Variants in SPAG9 observed in about 807,000 individuals in gnomAD.
The protein encoded by SPAG9 is C-Jun-amino-terminal kinase-interacting protein 4.
SPAG9 carries 35 observed loss-of-function variants against 166.5 expected under a neutral mutation model. That is an observed-to-expected ratio of 0.21 (90% CI 0.16 to 0.28). SPAG9 has a LOEUF of 0.28. SPAG9 is among the 10% of genes least tolerant of loss of function. The pLI, the probability that SPAG9 is intolerant of heterozygous loss-of-function variation, is 1.00. For missense variants in SPAG9, 1,235 were observed against 1,603.3 expected, an observed-to-expected ratio of 0.77 and a Z score of 3.92; for synonymous variants, 534 against 565.5, an observed-to-expected ratio of 0.94 and a Z score of 0.79.
At chr17:51,065,256 C>G (rs1338473090) in intron 2 of SPAG9, among the ~76,000 whole-genome samples, 1 of 151,992 alleles carries the variant, frequency 6.6e-6, no homozygotes. Flanking sequence ...TGGTTATGAA[C>G]TCCTGGGCTC....
chr17:51,112,670 A>AC (rs1432843842), intron 1 of SPAG9, among the ~76,000 whole-genome samples: 16 of 130,924 alleles, frequency 1.2e-4, no homozygotes, highest in African/African-American at 5.1e-4. Flanking sequence ...CTCTGTCTCA[A>AC]CAAAAAAAAA....
Position 51,112,671 on chromosome 17 carries a change from C to CAAAAA in SPAG9, c.303+7678_303+7682dup, listed in dbSNP as rs1206604151. Among the ~76,000 whole-genome samples, 181 of 41,384 alleles carry CAAAAA rather than the reference C, an allele frequency of 4.4e-3. 24 individuals are homozygous for CAAAAA. The highest frequency in any genetic ancestry group is 0.01 in the African/African-American group (172 of 16,410). 27.1% of individuals were successfully genotyped at this position (41,384 alleles called of 152,430 possible). A position where few individuals can be genotyped will look rare whatever the true frequency, so the allele number is the denominator to read the frequency against. On this transcript the variant is annotated intron_variant, in intron 1 of 29. Transcript: ENST00000262013. ...GCGACAGAGCCAGACTCTGTCTCAA[C>CAAAAA]AAAAAAAAAAAAAAAAAAAAAAAAA...
At chr17:50,971,546 C>T (rs937220802) in intron 28 of SPAG9, among the ~76,000 whole-genome samples, 7 of 140,138 alleles carry the variant, frequency 5.0e-5, no homozygotes, top group Non-Finnish European at 7.6e-5. Flanking sequence ...TGGCTCACTG[C>T]AACCTCCGCC....
intron 1 of SPAG9, among the ~76,000 whole-genome samples, chr17:51,116,941 G>A (rs1159294695): frequency 6.6e-6 from 1 of 152,154 alleles, no homozygotes; most frequent in Non-Finnish European, 1.5e-5. Context: ...CATGGGCAAA[G>A]GCATCAGACG....
chr17:51,047,730 T>A (rs2047070401), intron 3 of SPAG9, among the ~76,000 whole-genome samples: 1 of 151,272 alleles, frequency 6.6e-6, no homozygotes, highest in African/African-American at 2.4e-5. Flanking sequence ...CCACTTTTTT[T>A]ACAATATGTG....
chr17:50,974,140 T>C (rs1028461622), intron 28 of SPAG9, among the ~76,000 whole-genome samples: 6 of 152,338 alleles, frequency 3.9e-5, no homozygotes, highest in African/African-American at 7.2e-5. Context: ...GTATTGTCAA[T>C]GGATAATTTG....
intron 27 of SPAG9, chr17:50,976,016 C>T (rs372673125): frequency 2.6e-6 from 2 of 770,980 alleles, no homozygotes; most frequent in Non-Finnish European, 2.2e-6. Context: ...GCTCAAAGCC[C>T]CTAACGAAAA....
chr17:50,986,173 C>T (rs1300451363), intron 22 of SPAG9, among the ~76,000 whole-genome samples: 1 of 152,228 alleles, frequency 6.6e-6, no homozygotes, highest in East Asian at 1.9e-4. Context: ...ATCCAGTCTG[C>T]CACCTGTTTT....
chr17:50,967,892 T>C (rs1973480170), intron 29 of SPAG9, among the ~76,000 whole-genome samples: 1 of 152,240 alleles, frequency 6.6e-6, no homozygotes, highest in Non-Finnish European at 1.5e-5. Flanking sequence ...AGGCTGGAAA[T>C]AACTAGAGAT....
At chr17:51,062,786 C>T (rs1044921380) in intron 2 of SPAG9, among the ~76,000 whole-genome samples, 4 of 152,192 alleles carry the variant, frequency 2.6e-5, no homozygotes, top group Admixed American at 6.5e-5. Context: ...CACAGGGTTT[C>T]GCCATGTTGG....
intron 6 of SPAG9, among the ~76,000 whole-genome samples, chr17:51,022,451 T>A (rs1057001107): frequency 6.6e-6 from 1 of 152,050 alleles, no homozygotes; most frequent in African/African-American, 2.4e-5. Flanking sequence ...ATGCAAAAAT[T>A]TGTGTACAAT....
chr17:51,023,439 A>G, intron 6 of SPAG9: 1 of 199,596 alleles, frequency 5.0e-6, no homozygotes, highest in Non-Finnish European at 1.1e-5. Context: ...GGCTAACATC[A>G]GAAAGTTCAA....
At chr17:51,088,163 G>A (rs62062992) in intron 1 of SPAG9, among the ~76,000 whole-genome samples, 2 of 152,048 alleles carry the variant, frequency 1.3e-5, no homozygotes, top group African/African-American at 4.8e-5. Context: ...ATCCCAGTCC[G>A]TCACTCTGTA....
At chr17:51,004,261 T>C (rs1027100101) in intron 12 of SPAG9, among the ~76,000 whole-genome samples, 10 of 152,150 alleles carry the variant, frequency 6.6e-5, no homozygotes, top group African/African-American at 2.4e-4. Context: ...AATTATCAGA[T>C]TGGGTGGTAG....
intron 1 of SPAG9, among the ~76,000 whole-genome samples, chr17:51,107,100 CA>C (rs527593488): frequency 2.5e-3 from 216 of 87,782 alleles, no homozygotes; most frequent in Middle Eastern, 7.5e-3. Context: ...TGCTCCATCT[CA>C]AAAAAAAAAA....
At chr17:51,025,444 A>G (rs2046125256) in intron 6 of SPAG9, among the ~76,000 whole-genome samples, 1 of 150,386 alleles carries the variant, frequency 6.6e-6, no homozygotes, top group Admixed American at 6.7e-5. Flanking sequence ...TTTGGAGTTG[A>G]GTCAAAAAGA....
At position 50,966,130 on chromosome 17, in the gene SPAG9, G is replaced by A; in HGVS notation, c.*142C>T. The A allele has an allele frequency of 7.5e-6, 5 of 669,822 alleles. No homozygotes were observed. Among genetic ancestry groups the A allele is most frequent in the Non-Finnish European group, 1.1e-5 (4 of 370,214 alleles). 41.5% of individuals were successfully genotyped at this position (669,822 alleles called of 1,614,324 possible). A position where few individuals can be genotyped will look rare whatever the true frequency, so the allele number is the denominator to read the frequency against. On this transcript the variant is annotated 3_prime_UTR_variant, in exon 30 of 30. Transcript: ENST00000262013. ...GTATTGTTATGGTAGAACGGATTTT[G>A]TAATATAAAGTTAACAGGAAAAAAT... is the stretch of plus-strand genomic sequence containing the variant.
intron 15 of SPAG9, among the ~76,000 whole-genome samples, chr17:50,997,144 A>G (rs2044717334): frequency 1.1e-5 from 1 of 87,282 alleles, no homozygotes; most frequent in Non-Finnish European, 3.1e-5. Flanking sequence ...CTCAAAAAAC[A>G]AACAAACAAA....
rs375846070 is a variant in SPAG9 at position 51,031,694 on chromosome 17, G to A, written c.770C>T (p.Ala257Val). Reference protein sequence around the residue: ...KVSNSPEPQKAVEQEDELSDV... With the variant: ...KVSNSPEPQKVVEQEDELSDV... Reference sequence around the variant, plus strand: ...CACCATTCTCACCTCCTGTTCTACAGCCTTCTGAGGTTCAGGACTATTGCT... The same window carrying A: ...CACCATTCTCACCTCCTGTTCTACAACCTTCTGAGGTTCAGGACTATTGCT... Residue 257 changes from alanine to valine, a missense_variant, in exon 6 of 30, where the codon GCT (alanine) becomes GTT (valine). Transcript: ENST00000262013. 17 of 1,551,060 alleles carry A rather than the reference G, an allele frequency of 1.1e-5. No homozygotes were observed. Among genetic ancestry groups the A allele is most frequent in the Admixed American group, 3.9e-5 (2 of 50,998 alleles).
Sources: gnomAD v4.1 joint callset for allele counts (sites outside exome capture counted in the v4.1 genomes callset) on GRCh38, gnomAD v4.1.1 for gene constraint, MANE v1.5 for transcripts, NCBI Gene and HGNC (gene_info 2026-07-23, HGNC 2026-07-21) for gene names.